The following PALM2AKAP2 variants were observed in gnomAD, a reference collection of about 807,000 sequenced individuals.
PALM2AKAP2 encodes PALM2-AKAP2 fusion protein.
PALM2AKAP2 carries 37 observed loss-of-function variants against 71.5 expected under a neutral mutation model. The observed-to-expected ratio is 0.52, with a 90% CI of 0.40 to 0.68. The LOEUF is 0.68. PALM2AKAP2 is among the 30% of genes least tolerant of loss of function. PALM2AKAP2 has a pLI of 0.00. For missense variants in PALM2AKAP2, 1,224 were observed against 1,191.8 expected, an observed-to-expected ratio of 1.03 and a Z score of -0.40; for synonymous variants, 468 against 478.8, an observed-to-expected ratio of 0.98 and a Z score of 0.29.
At chr9:110,100,799 C>T (rs929451624) in intron 1 of PALM2AKAP2, among the ~76,000 whole-genome samples, 1 of 152,162 alleles carries the variant, frequency 6.6e-6, no homozygotes, top group Non-Finnish European at 1.5e-5. Flanking sequence ...ATGACAAAGA[C>T]ATGTGACATT....
intron 1 of PALM2AKAP2, among the ~76,000 whole-genome samples, chr9:109,752,542 G>C (rs548666235): frequency 6.6e-6 from 1 of 152,254 alleles, no homozygotes; most frequent in East Asian, 1.9e-4. Context: ...AAAAAGCCTA[G>C]AGGTGTAGGA....
intron 6 of PALM2AKAP2, among the ~76,000 whole-genome samples, chr9:109,984,521 A>T (rs192361085): frequency 1.4e-3 from 191 of 139,158 alleles, no homozygotes; most frequent in East Asian, 7.3e-3. Flanking sequence ...CAAAAGAATT[A>T]AAAAAAAAAA....
intron 3 of PALM2AKAP2, among the ~76,000 whole-genome samples, chr9:109,911,723 C>A (rs1830573822): frequency 6.6e-6 from 1 of 152,066 alleles, no homozygotes; most frequent in Non-Finnish European, 1.5e-5. Context: ...GAAGCATGTT[C>A]TTGGGTAGCT....
At chr9:110,064,646 C>T (rs1266892853) in intron 1 of PALM2AKAP2, among the ~76,000 whole-genome samples, 2 of 152,240 alleles carry the variant, frequency 1.3e-5, no homozygotes, top group Admixed American at 1.3e-4. Flanking sequence ...AGCTCTCTGG[C>T]CCCGGAACTG....
intron 1 of PALM2AKAP2, among the ~76,000 whole-genome samples, chr9:109,793,964 T>A (rs1232048866): frequency 6.6e-6 from 1 of 152,198 alleles, no homozygotes; most frequent in Non-Finnish European, 1.5e-5. Context: ...CCAAAAATAT[T>A]TACTATCTGA....
At chr9:110,077,620 G>A (rs576656614) in intron 1 of PALM2AKAP2, among the ~76,000 whole-genome samples, 1 of 152,280 alleles carries the variant, frequency 6.6e-6, no homozygotes, top group Non-Finnish European at 1.5e-5. Flanking sequence ...GTCCAATGCT[G>A]TTTGGGCAAA....
intron 6 of PALM2AKAP2, among the ~76,000 whole-genome samples, chr9:109,997,306 CG>C (rs1832592513): frequency 6.6e-6 from 1 of 152,096 alleles, no homozygotes; most frequent in African/African-American, 2.4e-5. Context: ...ATCTGCAGAG[CG>C]GGGATAATAT....
chr9:109,882,899 T>G (rs2131773324), intron 3 of PALM2AKAP2, among the ~76,000 whole-genome samples: 1 of 152,258 alleles, frequency 6.6e-6, no homozygotes, highest in East Asian at 1.9e-4. Flanking sequence ...TTCTTCCCAC[T>G]CAGTCTCCCA....
chr9:110,031,624 C>T (rs544245095), intron 7 of PALM2AKAP2, among the ~76,000 whole-genome samples: 5 of 152,230 alleles, frequency 3.3e-5, no homozygotes, highest in African/African-American at 1.2e-4. Flanking sequence ...CTCCAGTTTA[C>T]AGAGAAAACA....
At chr9:110,116,366 GTGTGTGTGCGTGTGTGTGTGTGCGCA>G (rs1197192026) in intron 1 of PALM2AKAP2, among the ~76,000 whole-genome samples, 2 of 151,552 alleles carry the variant, frequency 1.3e-5, no homozygotes, top group Non-Finnish European at 2.9e-5. Flanking sequence ...GTGTGTGCGT[GTGTGTGTGCGTGTGTGTGTGTGCGCA>G]TGTGTGTGCG....
chr9:109,702,762 A>AAG (rs1554707491), intron 1 of PALM2AKAP2, among the ~76,000 whole-genome samples: 1 of 151,282 alleles, frequency 6.6e-6, no homozygotes, highest in Non-Finnish European at 1.5e-5. Context: ...TAAAAAAAAA[A>AAG]AAAGAAAATA....
intron 1 of PALM2AKAP2, among the ~76,000 whole-genome samples, chr9:109,855,465 G>A (rs1476127396): frequency 6.6e-6 from 1 of 152,172 alleles, no homozygotes; most frequent in East Asian, 1.9e-4. Flanking sequence ...GTATGTGTTA[G>A]GCATGATTCT....
intron 1 of PALM2AKAP2, among the ~76,000 whole-genome samples, chr9:109,702,735 A>C (rs1828081350): frequency 6.7e-6 from 1 of 149,110 alleles, no homozygotes; most frequent in South Asian, 2.1e-4. Flanking sequence ...TGTGCCCTAA[A>C]ACTTAAGGTA....
At chr9:110,068,752 C>T (rs1210185466) in intron 1 of PALM2AKAP2, among the ~76,000 whole-genome samples, 1 of 152,112 alleles carries the variant, frequency 6.6e-6, no homozygotes, top group Non-Finnish European at 1.5e-5. Context: ...AGACTGGTCT[C>T]GAACTCCTGG....
intron 6 of PALM2AKAP2, among the ~76,000 whole-genome samples, chr9:109,987,028 A>G (rs990531628): frequency 1.8e-4 from 27 of 152,254 alleles, no homozygotes; most frequent in African/African-American, 6.3e-4. Flanking sequence ...AACTATTGCC[A>G]TGACATTGAA....
chr9:109,742,822 G>T (rs1036640302), intron 1 of PALM2AKAP2, among the ~76,000 whole-genome samples: 2 of 152,170 alleles, frequency 1.3e-5, no homozygotes, highest in African/African-American at 2.4e-5. Context: ...AAGCAGCCGT[G>T]TTGCAGCACT....
At chr9:109,973,256 T>C (rs948989694) in intron 6 of PALM2AKAP2, among the ~76,000 whole-genome samples, 10 of 152,198 alleles carry the variant, frequency 6.6e-5, no homozygotes, top group African/African-American at 2.2e-4. Context: ...TCCACAAAGG[T>C]TTACTAAACC....
chr9:110,013,993 T>C (rs10124391), intron 6 of PALM2AKAP2, among the ~76,000 whole-genome samples: 133,813 of 152,184 alleles, frequency 0.88, 59,105 homozygotes, highest in African/African-American at 0.97. Context: ...ATACTCATGC[T>C]CATTTGTTTC....
intron 1 of PALM2AKAP2, among the ~76,000 whole-genome samples, chr9:110,072,078 G>C (rs1834218772): frequency 6.6e-6 from 1 of 152,126 alleles, no homozygotes. Context: ...CTCTGAACCA[G>C]TATAACCCTA....
Sources: gnomAD v4.1 joint callset for allele counts (sites outside exome capture counted in the v4.1 genomes callset) on GRCh38, gnomAD v4.1.1 for gene constraint, MANE v1.5 for transcripts, NCBI Gene and HGNC (gene_info 2026-07-23, HGNC 2026-07-21) for gene names.